MAPRE1: variants seen among roughly 807,000 people sequenced by gnomAD.
MAPRE1 encodes microtubule associated protein RP/EB family member 1.
A neutral mutation model predicts 32.1 loss-of-function variants in MAPRE1; 5 were observed. The ratio of observed to expected loss-of-function variants is 0.16; its 90% CI spans 0.08 to 0.33. MAPRE1 has a LOEUF of 0.33. MAPRE1 is among the 10% of genes least tolerant of loss of function. MAPRE1 has a pLI of 1.00. For missense variants in MAPRE1, 209 were observed against 327.2 expected (o/e 0.64, Z 2.79); for synonymous variants, 122 against 118.9 (o/e 1.03, Z -0.17).
At chr20:32,840,155 A>G (rs13045669) in intron 5 of MAPRE1, among the ~76,000 whole-genome samples, 3,957 of 152,246 alleles carry the variant, frequency 0.026, 71 homozygotes, top group Non-Finnish European at 0.04. Flanking sequence ...TGGAGAATGA[A>G]AGATAAAGGA....
At chr20:32,842,666 A>G (rs1219967595) in intron 5 of MAPRE1, among the ~76,000 whole-genome samples, 1 of 152,224 alleles carries the variant, frequency 6.6e-6, no homozygotes, top group African/African-American at 2.4e-5. Flanking sequence ...TCACCAGATA[A>G]TGACTCTGGG....
chr20:32,825,475 T>A (rs1316172748), intron 1 of MAPRE1, among the ~76,000 whole-genome samples: 3 of 152,252 alleles, frequency 2.0e-5, no homozygotes, highest in South Asian at 4.1e-4. Context: ...TTTGGCCTCA[T>A]GGGGAAGAAG....
intron 2 of MAPRE1, among the ~76,000 whole-genome samples, chr20:32,826,519 CTTTTTTTTTTTTT>C (rs71338460): frequency 1.8e-3 from 85 of 46,570 alleles, no homozygotes; most frequent in African/African-American, 7.2e-3. Context: ...CACGCCCGGC[CTTTTTTTTTTTTT>C]TTTTTTTTTT....
chr20:32,844,439 C>CTTTTTTTTTTTTTT lies in MAPRE1; in HGVS notation c.598-2161_598-2148dup, dbSNP rs71190880. On this transcript the variant is annotated intron_variant, in intron 5 of 6. Transcript: ENST00000375571. ...CTAGGTGGATACCAAGCTAGCATTCCTTTTTTTTTTTTTTTTTTTTTTTTT... is the reference window on the plus strand; with the variant it reads ...CTAGGTGGATACCAAGCTAGCATTCCTTTTTTTTTTTTTTTTTTTTTTTTTTTTTTTTTTTTTTT... 5.0e-4 allele frequency among the ~76,000 whole-genome samples: 26 copies of CTTTTTTTTTTTTTT among 52,050 alleles called. 3 individuals carry two copies. The highest frequency in any genetic ancestry group is 6.7e-4 in the East Asian group (1 of 1,492). 34.1% of individuals were successfully genotyped at this position (52,050 alleles called of 152,430 possible).
At chr20:32,835,971 C>A (rs117137123) in intron 3 of MAPRE1, among the ~76,000 whole-genome samples, 1,586 of 150,650 alleles carry the variant, frequency 0.011, 17 homozygotes, top group Non-Finnish European at 0.015. Flanking sequence ...GATTTTTCTT[C>A]CCTTTTCTTA....
intron 2 of MAPRE1, among the ~76,000 whole-genome samples, chr20:32,826,251 CTG>C (rs1215388916): frequency 7.5e-6 from 1 of 132,612 alleles, no homozygotes; most frequent in African/African-American, 3.1e-5. Context: ...GAGTCTCGCT[CTG>C]TTGCCCAGGC....
At chr20:32,826,242 A>C (rs1343184652) in intron 2 of MAPRE1, among the ~76,000 whole-genome samples, 194 bp downstream of exon 2, 2 of 122,272 alleles carry the variant, frequency 1.6e-5, no homozygotes, top group East Asian at 4.5e-4. Flanking sequence ...TTTTTGACAG[A>C]GTCTCGCTCT....
chr20:32,835,988 G>T lies in MAPRE1; in HGVS notation c.268-646G>T, dbSNP rs1165268885. Among the ~76,000 whole-genome samples the T allele has an allele frequency of 3.3e-5, 5 of 151,972 alleles. No homozygotes were observed. The East Asian group carries it at 9.7e-4, about 29-fold the overall frequency. On this transcript the variant is annotated intron_variant, in intron 3 of 6. Coordinates refer to ENST00000375571, the MANE Select transcript of MAPRE1 (RefSeq NM_012325.3). ...TTTTTCTTCCCTTTTCTTAAATGGG[G>T]TCTCTCTCTGTCACCCAGGCTGGAG...
intron 1 of MAPRE1, among the ~76,000 whole-genome samples, chr20:32,821,666 T>G (rs937307405): frequency 6.6e-6 from 1 of 152,242 alleles, no homozygotes; most frequent in Non-Finnish European, 1.5e-5. Context: ...GCAGGAAGAT[T>G]AAGTGACTTG....
rs71190880 is a variant in MAPRE1 at position 32,844,439 on chromosome 20, C to CTTTTTTTTTTTTTTTTTTTTTT, written c.598-2169_598-2148dup. ...CTAGGTGGATACCAAGCTAGCATTC[C>CTTTTTTTTTTTTTTTTTTTTTT]TTTTTTTTTTTTTTTTTTTTTTTTT... On this transcript the variant is annotated intron_variant, in intron 5 of 6. Coordinates refer to ENST00000375571, the MANE Select transcript of MAPRE1 (RefSeq NM_012325.3). Among the ~76,000 whole-genome samples, 2 of 52,050 alleles carry CTTTTTTTTTTTTTTTTTTTTTT rather than the reference C, an allele frequency of 3.8e-5. 1 individual carries two copies. The highest frequency in any genetic ancestry group is 6.7e-5 in the Non-Finnish European group (2 of 29,926). The allele number at this position is 52,050 out of a possible 152,430, so 34.1% of individuals were successfully genotyped here. A position where few individuals can be genotyped will look rare whatever the true frequency, so the allele number is the denominator to read the frequency against.
At chr20:32,822,099 G>A (rs1982718902) in intron 1 of MAPRE1, among the ~76,000 whole-genome samples, 1 of 152,156 alleles carries the variant, frequency 6.6e-6, no homozygotes, top group South Asian at 2.1e-4. Flanking sequence ...GTGGGACCAG[G>A]TATTAATGTA....
intron 2 of MAPRE1, among the ~76,000 whole-genome samples, chr20:32,832,835 A>G (rs1241234484): frequency 9.6e-6 from 1 of 104,246 alleles, no homozygotes; most frequent in African/African-American, 4.0e-5. Context: ...TTTTTTTGAG[A>G]CAGTGCAGTG....
intron 5 of MAPRE1, among the ~76,000 whole-genome samples, chr20:32,845,032 T>TATGA (rs869190898): frequency 3.0e-4 from 32 of 105,894 alleles, no homozygotes; most frequent in Middle Eastern, 5.0e-3. Context: ...TGTATGTATG[T>TATGA]ATGAATGAAT....
At chr20:32,834,151 T>C (rs1485548771) in intron 3 of MAPRE1, among the ~76,000 whole-genome samples, 1 of 152,172 alleles carries the variant, frequency 6.6e-6, no homozygotes, top group Non-Finnish European at 1.5e-5. Flanking sequence ...GTGTAATCTC[T>C]AGTAGTCTGG....
At chr20:32,847,274 C>T (rs1983530009) in intron 6 of MAPRE1, among the ~76,000 whole-genome samples, 1 of 152,214 alleles carries the variant, frequency 6.6e-6, no homozygotes, top group South Asian at 2.1e-4. Flanking sequence ...GATCAAGTTT[C>T]TTTGGATCCA....
intron 1 of MAPRE1, among the ~76,000 whole-genome samples, chr20:32,820,242 G>A (rs1203660579): frequency 8.5e-6 from 1 of 117,560 alleles, no homozygotes; most frequent in Non-Finnish European, 1.7e-5. Context: ...GCGGGGTCTC[G>A]GGCCGGAAGT....
intron 4 of MAPRE1, among the ~76,000 whole-genome samples, chr20:32,839,410 T>C (rs536310967): frequency 6.6e-6 from 1 of 152,352 alleles, no homozygotes; most frequent in South Asian, 2.1e-4. Flanking sequence ...TTAAGGTGGA[T>C]CATCTCTGTG....
At chr20:32,835,301 A>G (rs1258293083) in intron 3 of MAPRE1, among the ~76,000 whole-genome samples, 1 of 151,632 alleles carries the variant, frequency 6.6e-6, no homozygotes, top group Admixed American at 6.6e-5. Context: ...TTCTTGTATA[A>G]TAGAAATACT....
chr20:32,835,173 T>C (rs1173676873), intron 3 of MAPRE1, among the ~76,000 whole-genome samples: 1 of 152,066 alleles, frequency 6.6e-6, no homozygotes, highest in African/African-American at 2.4e-5. Context: ...AGCAGTGAGC[T>C]ATGATTGCAG....
Sources: gnomAD v4.1 joint callset for allele counts (sites outside exome capture counted in the v4.1 genomes callset) on GRCh38, gnomAD v4.1.1 for gene constraint, MANE v1.5 for transcripts, NCBI Gene and HGNC (gene_info 2026-07-23, HGNC 2026-07-21) for gene names.